IGF1R: variants seen among roughly 807,000 people sequenced by gnomAD.
IGF1R encodes the protein insulin like growth factor 1 receptor.
In IGF1R, 44 loss-of-function variants were observed where a neutral mutation model predicts 144.6. The ratio of observed to expected loss-of-function variants is 0.30; its 90% CI spans 0.24 to 0.39. The LOEUF (loss-of-function observed/expected upper bound fraction) is 0.39, where lower values mean the gene tolerates loss of function less well. Among genes scored for constraint, IGF1R ranks in the 10% least tolerant of loss-of-function variants. The probability of loss-of-function intolerance (pLI) is 1.00; values close to 1 mark genes in which losing one functional copy is unlikely to be tolerated. For synonymous variants in IGF1R, 795 were observed against 722.8 expected (o/e 1.10, Z -1.60); for missense variants, 1,355 against 1,833.7 (o/e 0.74, Z 4.77).
intron 2 of IGF1R, among the ~76,000 whole-genome samples, chr15:98,759,922 G>A (rs2055250451): frequency 6.6e-6 from 1 of 152,194 alleles, no homozygotes. Flanking sequence ...GGTACCGTGA[G>A]ACTTCTAATT....
intron 1 of IGF1R, among the ~76,000 whole-genome samples, chr15:98,703,802 G>C (rs1171610507): frequency 2.0e-5 from 3 of 152,198 alleles, no homozygotes; most frequent in African/African-American, 7.2e-5. Flanking sequence ...AGTTCAACTT[G>C]CTTCAGTCTT....
At chr15:98,715,551 C>G (rs1403784333) in intron 2 of IGF1R, among the ~76,000 whole-genome samples, 1 of 152,180 alleles carries the variant, frequency 6.6e-6, no homozygotes, top group Non-Finnish European at 1.5e-5. Flanking sequence ...TCTTGCTTTC[C>G]TCATGTGTAT....
intron 3 of IGF1R, among the ~76,000 whole-genome samples, chr15:98,894,635 G>A (rs1333827839): frequency 1.3e-5 from 2 of 152,190 alleles, no homozygotes; most frequent in Non-Finnish European, 2.9e-5. Flanking sequence ...CAGGCACGGC[G>A]GCTCACGCCT....
chr15:98,918,122 G>A (rs972865088), intron 10 of IGF1R, among the ~76,000 whole-genome samples: 42 of 152,222 alleles, frequency 2.8e-4, no homozygotes, highest in African/African-American at 9.6e-4. Context: ...AAGCACAGTG[G>A]TGCTCCCTGG....
intron 2 of IGF1R, among the ~76,000 whole-genome samples, chr15:98,837,432 G>A (rs1567154040): frequency 6.6e-6 from 1 of 152,256 alleles, no homozygotes; most frequent in South Asian, 2.1e-4. Flanking sequence ...AGTAGAGACG[G>A]GGTTTCACAT....
At chr15:98,725,526 G>C (rs2054337949) in intron 2 of IGF1R, among the ~76,000 whole-genome samples, 1 of 152,162 alleles carries the variant, frequency 6.6e-6, no homozygotes, top group Non-Finnish European at 1.5e-5. Context: ...CCTCCAGGCA[G>C]CCTGTTGACC....
chr15:98,724,892 T>A (rs1254753036), intron 2 of IGF1R, among the ~76,000 whole-genome samples: 1 of 152,172 alleles, frequency 6.6e-6, no homozygotes, highest in East Asian at 1.9e-4. Context: ...AATAGAGAAG[T>A]TCAGTGAGAA....
intron 1 of IGF1R, among the ~76,000 whole-genome samples, chr15:98,668,834 C>T (rs1215298790): frequency 6.6e-6 from 1 of 152,104 alleles, no homozygotes; most frequent in Non-Finnish European, 1.5e-5. Flanking sequence ...CTGACACCAG[C>T]ATCAGTGAGT....
intron 2 of IGF1R, among the ~76,000 whole-genome samples, chr15:98,877,025 T>G (rs1186731542): frequency 6.6e-6 from 1 of 152,166 alleles, no homozygotes; most frequent in East Asian, 1.9e-4. Context: ...TCCAAAAGTG[T>G]GCCATCAGAA....
chr15:98,930,350 G>T (rs1177338707), intron 15 of IGF1R, 45 bp downstream of exon 15: 2 of 1,413,316 alleles, frequency 1.4e-6, no homozygotes, highest in Non-Finnish European at 2.0e-6. Context: ...AGGGCAGGTA[G>T]ATCGGGAGCT....
chr15:98,659,947 T>TA (rs45467005), intron 1 of IGF1R, among the ~76,000 whole-genome samples: 3,548 of 152,286 alleles, frequency 0.023, 139 homozygotes, highest in African/African-American at 0.081. Context: ...AGTGTTGTGT[T>TA]AGGTCCCACA....
intron 3 of IGF1R, 47 bp from the exon 4 acceptor site, chr15:98,896,708 GAC>G: frequency 6.3e-7 from 1 of 1,582,570 alleles, no homozygotes; most frequent in African/African-American, 1.3e-5. Context: ...AATGCAAGAA[GAC>G]AGACTCAATT....
At chr15:98,652,948 T>TTA (rs2052405496) in intron 1 of IGF1R, among the ~76,000 whole-genome samples, 1 of 150,974 alleles carries the variant, frequency 6.6e-6, no homozygotes, top group Non-Finnish European at 1.5e-5. Flanking sequence ...TTTTTTTTTT[T>TTA]AAAGAAATGT....
chr15:98,915,355 C>T (rs1489800096), intron 8 of IGF1R, among the ~76,000 whole-genome samples: 2 of 152,202 alleles, frequency 1.3e-5, no homozygotes. Context: ...CAGAGTCATG[C>T]CTCAGTCATT....
At chr15:98,911,198 A>G in intron 6 of IGF1R, 117 bp from the exon 7 acceptor site, 1 of 1,156,676 alleles carries the variant, frequency 8.6e-7, no homozygotes, top group South Asian at 1.3e-5. Context: ...GGAAGCCCAG[A>G]AGGGAACTTA....
intron 10 of IGF1R, among the ~76,000 whole-genome samples, chr15:98,919,386 T>C (rs1306718196): frequency 2.0e-5 from 3 of 152,224 alleles, no homozygotes; most frequent in Non-Finnish European, 2.9e-5. Context: ...CGTTGCTGTC[T>C]TGTTCCACCA....
intron 1 of IGF1R, among the ~76,000 whole-genome samples, chr15:98,664,614 G>C (rs2141183356): frequency 6.6e-6 from 1 of 150,774 alleles, no homozygotes; most frequent in African/African-American, 2.5e-5. Context: ...GGAGGTTGGA[G>C]GTTGGAGGTT....
At chr15:98,718,515 G>C (rs1297753497) in intron 2 of IGF1R, among the ~76,000 whole-genome samples, 18 of 152,214 alleles carry the variant, frequency 1.2e-4, no homozygotes, top group Admixed American at 1.2e-3. Context: ...GTGGGGCTGA[G>C]GGCAGCCAGT....
intron 3 of IGF1R, among the ~76,000 whole-genome samples, chr15:98,895,902 A>C (rs1212179353): frequency 6.6e-6 from 1 of 152,206 alleles, no homozygotes; most frequent in Non-Finnish European, 1.5e-5. Context: ...TTTGGAAATC[A>C]GTCCAACTTT....
Sources: gnomAD v4.1 joint callset for allele counts (sites outside exome capture counted in the v4.1 genomes callset) on GRCh38, gnomAD v4.1.1 for gene constraint, MANE v1.5 for transcripts, NCBI Gene and HGNC (gene_info 2026-07-23, HGNC 2026-07-21) for gene names.